The following UBE2R2 variants were observed in gnomAD, a reference collection of about 807,000 sequenced individuals.
UBE2R2 encodes ubiquitin-conjugating enzyme E2 R2.
In UBE2R2, 1 loss-of-function variant was observed where a neutral mutation model predicts 27.8. The ratio of observed to expected loss-of-function variants is 0.04; its 90% CI spans 0.01 to 0.17. The LOEUF (loss-of-function observed/expected upper bound fraction) is 0.17. UBE2R2 is among the 10% of genes least tolerant of loss of function. UBE2R2 has a pLI of 1.00. For synonymous variants in UBE2R2, 106 were observed against 113.3 expected (o/e 0.94, Z 0.41); for missense variants, 100 against 291.0 (o/e 0.34, Z 4.78).
intron 4 of UBE2R2, among the ~76,000 whole-genome samples, chr9:33,914,314 C>T (rs1016182474): frequency 6.6e-6 from 1 of 152,110 alleles, no homozygotes; most frequent in African/African-American, 2.4e-5. Context: ...GGAAAATACC[C>T]ATGTTTGCTA....
In UBE2R2 at chr9:33,817,703, C is replaced by G; in HGVS notation, c.-55C>G. On this transcript the variant is annotated 5_prime_UTR_variant, in exon 1 of 5. Transcript: ENST00000263228. ...GGGGAGGGGCCTGGTCCGGCCCGGC[C>G]GGTGCGTGAGGACTGGGGCCCGGGC... 3 of 1,356,756 alleles carry G rather than the reference C, an allele frequency of 2.2e-6. No individual in the cohort carries two copies. Among genetic ancestry groups the G allele is most frequent in the South Asian group, 1.7e-5 (1 of 60,524 alleles). The allele number at this position is 1,356,756 out of a possible 1,614,324, so 84.0% of individuals were successfully genotyped here. A position where few individuals can be genotyped will look rare whatever the true frequency, so the allele number is the denominator to read the frequency against.
intron 1 of UBE2R2, among the ~76,000 whole-genome samples, chr9:33,865,348 C>A (rs1307747040): frequency 6.6e-6 from 1 of 151,960 alleles, no homozygotes; most frequent in Admixed American, 6.6e-5. Flanking sequence ...GGGAGTGCAC[C>A]ACCATGCCCG....
chr9:33,833,636 T>C (rs1423177968), intron 1 of UBE2R2, among the ~76,000 whole-genome samples: 1 of 152,240 alleles, frequency 6.6e-6, no homozygotes, highest in African/African-American at 2.4e-5. Context: ...TTTATTTTGA[T>C]TGTGGTGAAT....
At chr9:33,834,637 A>T (rs186806268) in intron 1 of UBE2R2, among the ~76,000 whole-genome samples, 3 of 152,004 alleles carry the variant, frequency 2.0e-5, no homozygotes, top group African/African-American at 7.2e-5. Context: ...TAGACCTCGC[A>T]CGGTGGCTCA....
At chr9:33,886,653 T>TAA (rs11404304) in intron 1 of UBE2R2, among the ~76,000 whole-genome samples, 21,265 of 118,130 alleles carry the variant, frequency 0.18, 2,355 homozygotes, top group East Asian at 0.56. Context: ...GACTCCGTCT[T>TAA]AAAAAAAAAA....
chr9:33,831,419 T>TTTTG (rs1373261295), intron 1 of UBE2R2, among the ~76,000 whole-genome samples: 3 of 152,082 alleles, frequency 2.0e-5, no homozygotes, highest in Admixed American at 6.5e-5. Context: ...ACTTAATACT[T>TTTTG]TTTGTTTGTT....
intron 1 of UBE2R2, among the ~76,000 whole-genome samples, chr9:33,869,664 C>T (rs895566427): frequency 6.6e-6 from 1 of 151,728 alleles, no homozygotes; most frequent in African/African-American, 2.4e-5. Context: ...TGGCCAGGCT[C>T]GTCTGGAACT....
chr9:33,858,942 C>G (rs1420358533), intron 1 of UBE2R2, among the ~76,000 whole-genome samples: 4 of 151,998 alleles, frequency 2.6e-5, no homozygotes, highest in Non-Finnish European at 5.9e-5. Flanking sequence ...TCTCCTGCCT[C>G]AGCCTCCCAA....
chr9:33,817,424 A>G lies in UBE2R2; in HGVS notation c.-334A>G, dbSNP rs930845414. On this transcript the variant is annotated 5_prime_UTR_variant, in exon 1 of 5. Transcript: ENST00000263228. The stretch of plus-strand genomic sequence containing the variant: ...CCCTCCGCCGCCTTCCTCCGCTTCC[A>G]CCTCCTCTCCCCCCCCCCAAGTTGA... 9.7e-6 allele frequency: 1 copy of G among 102,996 alleles called. No individual in the cohort carries two copies. Among genetic ancestry groups the G allele is most frequent in the African/African-American group, 3.9e-5 (1 of 25,638 alleles). 6.4% of individuals were successfully genotyped at this position (102,996 alleles called of 1,614,324 possible). A position where few individuals can be genotyped will look rare whatever the true frequency, so the allele number is the denominator to read the frequency against.
Position 33,848,859 on chromosome 9 carries a change from C to T in UBE2R2, c.177+30925C>T, listed in dbSNP as rs1222449089. ...CCTCAGGTGATCCAACCACCTTGGCCTCCCAAAGTGCTGGGATTACATGCA... is the reference window on the plus strand; with the variant it reads ...CCTCAGGTGATCCAACCACCTTGGCTTCCCAAAGTGCTGGGATTACATGCA... On this transcript the variant is annotated intron_variant, in intron 1 of 4. Coordinates refer to ENST00000263228, the MANE Select transcript of UBE2R2 (RefSeq NM_017811.4). Among the ~76,000 whole-genome samples the T allele has an allele frequency of 3.3e-5, 5 of 151,968 alleles. No homozygotes were observed. The East Asian group carries it at 9.7e-4, about 29-fold the overall frequency.
At position 33,817,749 on chromosome 9, in the gene UBE2R2, G is replaced by A; in HGVS notation, c.-9G>A. The stretch of plus-strand genomic sequence containing the variant: ...CGGGCCCGGCGCCGCCGCCGCCGCC[G>A]CCGCCGCGATGGCCCAGCAGCAGAT... On this transcript the variant is annotated 5_prime_UTR_variant, in exon 1 of 5. Coordinates refer to ENST00000263228, the MANE Select transcript of UBE2R2 (RefSeq NM_017811.4). 1 of 1,505,654 alleles carries A rather than the reference G, an allele frequency of 6.6e-7. No individual in the cohort carries two copies. Among genetic ancestry groups the A allele is most frequent in the Non-Finnish European group, 8.9e-7 (1 of 1,126,454 alleles). The allele number at this position is 1,505,654 out of a possible 1,614,324, so 93.3% of individuals were successfully genotyped here. A position where few individuals can be genotyped will look rare whatever the true frequency, so the allele number is the denominator to read the frequency against.
chr9:33,897,361 A>G (rs1250599703), intron 2 of UBE2R2, among the ~76,000 whole-genome samples: 3 of 148,476 alleles, frequency 2.0e-5, no homozygotes, highest in African/African-American at 7.5e-5. Flanking sequence ...TTTGTTGCCC[A>G]GGCTGGAGTA....
At chr9:33,853,561 A>G (rs192716124) in intron 1 of UBE2R2, among the ~76,000 whole-genome samples, 28 of 152,128 alleles carry the variant, frequency 1.8e-4, no homozygotes, top group Non-Finnish European at 3.2e-4. Context: ...CTGAGATTAC[A>G]GGTGTGAGCC....
chr9:33,865,071 G>A (rs1278640166), intron 1 of UBE2R2, among the ~76,000 whole-genome samples: 2 of 151,936 alleles, frequency 1.3e-5, no homozygotes, highest in African/African-American at 2.4e-5. Context: ...ATGTTGCCCA[G>A]GCTGGTCTTG....
At chr9:33,838,875 G>A (rs1197944651) in intron 1 of UBE2R2, among the ~76,000 whole-genome samples, 1 of 151,948 alleles carries the variant, frequency 6.6e-6, no homozygotes, top group Non-Finnish European at 1.5e-5. Flanking sequence ...CTGAGATGAA[G>A]AGTTCGAGAC....
intron 1 of UBE2R2, among the ~76,000 whole-genome samples, chr9:33,856,061 A>G (rs1399015546): frequency 1.3e-5 from 2 of 152,136 alleles, no homozygotes; most frequent in Non-Finnish European, 2.9e-5. Context: ...CAAAAAACCA[A>G]ACAAAACCTT....
chr9:33,907,674 GTCTGGGGA>G (rs1312587761), intron 3 of UBE2R2, among the ~76,000 whole-genome samples: 6 of 152,242 alleles, frequency 3.9e-5, no homozygotes, highest in Admixed American at 1.3e-4. Flanking sequence ...GGAACCGAGA[GTCTGGGGA>G]TGATGGGCCC....
intron 1 of UBE2R2, among the ~76,000 whole-genome samples, chr9:33,840,689 T>G (rs922216671): frequency 1.3e-5 from 2 of 152,138 alleles, no homozygotes; most frequent in African/African-American, 4.8e-5. Flanking sequence ...GATCCATTAA[T>G]TTATCAATGG....
At chr9:33,824,119 T>A (rs1166483152) in intron 1 of UBE2R2, among the ~76,000 whole-genome samples, 1 of 152,238 alleles carries the variant, frequency 6.6e-6, no homozygotes, top group East Asian at 1.9e-4. Flanking sequence ...CCTTAGTTTT[T>A]CATAGAATAT....
Sources: gnomAD v4.1 joint callset for allele counts (sites outside exome capture counted in the v4.1 genomes callset) on GRCh38, gnomAD v4.1.1 for gene constraint, MANE v1.5 for transcripts, NCBI Gene and HGNC (gene_info 2026-07-23, HGNC 2026-07-21) for gene names.